ZFPM2: variants seen among roughly 807,000 people sequenced by gnomAD.
ZFPM2 encodes the protein zinc finger protein ZFPM2.
ZFPM2 carries 20 observed loss-of-function variants against 98.6 expected under a neutral mutation model. The ratio of observed to expected loss-of-function variants is 0.20; its 90% CI spans 0.14 to 0.29. The LOEUF is 0.29. ZFPM2 is among the 10% of genes least tolerant of loss of function. ZFPM2 has a pLI of 1.00. For missense variants in ZFPM2, 1,310 were observed against 1,388.6 expected (o/e 0.94, Z 0.90); for synonymous variants, 518 against 502.7 (o/e 1.03, Z -0.41).
chr8:105,450,812 G>A (rs1434388298), intron 3 of ZFPM2, among the ~76,000 whole-genome samples: 2 of 151,998 alleles, frequency 1.3e-5, no homozygotes, highest in South Asian at 2.1e-4. Context: ...ACAAGAGGGG[G>A]TAAAAAATAA....
intron 2 of ZFPM2, among the ~76,000 whole-genome samples, chr8:105,432,863 G>T (rs1390401611): frequency 3.3e-5 from 5 of 152,168 alleles, no homozygotes; most frequent in Non-Finnish European, 4.4e-5. Flanking sequence ...ACTTTGGGAG[G>T]CTGCAGCAGG....
chr8:105,708,263 T>C (rs924725022), intron 5 of ZFPM2, among the ~76,000 whole-genome samples: 16 of 152,194 alleles, frequency 1.1e-4, no homozygotes, highest in Non-Finnish European at 2.1e-4. Context: ...TTATGAAATA[T>C]GAAAAATTAA....
chr8:105,430,407 C>T (rs1811996810), intron 2 of ZFPM2, among the ~76,000 whole-genome samples: 1 of 152,088 alleles, frequency 6.6e-6, no homozygotes, highest in African/African-American at 2.4e-5. Flanking sequence ...CAAACAGATT[C>T]ACAAAAAGAG....
At chr8:105,697,482 T>C (rs1811047743) in intron 5 of ZFPM2, among the ~76,000 whole-genome samples, 2 of 152,184 alleles carry the variant, frequency 1.3e-5, no homozygotes, top group Admixed American at 6.5e-5. Flanking sequence ...ACATATGCTT[T>C]CAATTGCTAT....
chr8:105,360,384 CAG>C (rs779170472), intron 1 of ZFPM2, among the ~76,000 whole-genome samples: 113 of 152,140 alleles, frequency 7.4e-4, no homozygotes, highest in Non-Finnish European at 1.2e-3. Flanking sequence ...ATTGAGGAAA[CAG>C]ATGAAAAATG....
At chr8:105,464,290 C>T (rs1451092324) in intron 3 of ZFPM2, among the ~76,000 whole-genome samples, 1 of 151,944 alleles carries the variant, frequency 6.6e-6, no homozygotes, top group Non-Finnish European at 1.5e-5. Flanking sequence ...ATTTTATATG[C>T]TTTTACAGAA....
In ZFPM2 at chr8:105,559,945, C is replaced by T. The variant is rs538674648; in HGVS notation, c.302-1418C>T. Among the ~76,000 whole-genome samples, 14 of 152,108 alleles carry T rather than the reference C, an allele frequency of 9.2e-5. No homozygotes were observed. The East Asian group carries it at 2.5e-3, about 27-fold the overall frequency. On this transcript the variant is annotated intron_variant, in intron 3 of 7. Coordinates refer to ENST00000407775, the MANE Select transcript of ZFPM2 (RefSeq NM_012082.4). ...TTACTAGGCCAGGCGCGGTGGCTCA[C>T]GCCTGTAATTCCAGCACTTTGGGAA...
At chr8:105,773,844 G>A (rs1160770488) in intron 5 of ZFPM2, among the ~76,000 whole-genome samples, 17 of 151,880 alleles carry the variant, frequency 1.1e-4, no homozygotes, top group Non-Finnish European at 2.9e-5. Context: ...GTTACTTTTT[G>A]TAAAAGACAT....
chr8:105,788,802 T>C lies in ZFPM2; in HGVS notation c.617T>C (p.Leu206Pro), dbSNP rs368572530. ...IAFVVDFDSR[L>P]QAASQMTLTE... is the part of the protein sequence containing the mutation. ...TTTGTGGTGGATTTTGACTCAAGGC[T>C]ACAAGCTGCCAGTCAGATGACTCTC... The change falls in exon 6 of 8, where the codon CTA (leucine) becomes CCA (proline). Residue 206 changes from leucine to proline, a missense_variant. Leu to Pro is a moderately conservative substitution (Grantham distance 98). Coordinates refer to ENST00000407775, the MANE Select transcript of ZFPM2 (RefSeq NM_012082.4). 131 of 1,613,910 alleles carry C rather than the reference T, an allele frequency of 8.1e-5. No individual in the cohort carries two copies. The highest frequency in any genetic ancestry group is 1.0e-4 in the Non-Finnish European group (121 of 1,179,884).
intron 5 of ZFPM2, among the ~76,000 whole-genome samples, chr8:105,744,713 G>A (rs1383241050): frequency 5.9e-5 from 6 of 102,564 alleles, no homozygotes; most frequent in Admixed American, 1.1e-4. Context: ...TTAGATAAGC[G>A]TAGGGTGAAG....
chr8:105,768,930 G>C (rs958605849), intron 5 of ZFPM2, among the ~76,000 whole-genome samples: 8 of 151,622 alleles, frequency 5.3e-5, no homozygotes, highest in African/African-American at 1.9e-4. Flanking sequence ...AACAGATCCA[G>C]AAACCCCCCC....
chr8:105,618,433 A>T (rs1454232004), intron 4 of ZFPM2, among the ~76,000 whole-genome samples: 8 of 152,228 alleles, frequency 5.3e-5, no homozygotes, highest in East Asian at 1.9e-4. Context: ...AAAATTGATT[A>T]AAAAAAGTAA....
intron 6 of ZFPM2, among the ~76,000 whole-genome samples, chr8:105,793,423 T>A (rs1813687247): frequency 6.6e-6 from 1 of 152,248 alleles, no homozygotes; most frequent in Admixed American, 6.5e-5. Context: ...TCCCACTCTC[T>A]TCTGGCTTGT....
chr8:105,383,654 T>C (rs1363871957), intron 1 of ZFPM2, among the ~76,000 whole-genome samples: 1 of 152,156 alleles, frequency 6.6e-6, no homozygotes, highest in Admixed American at 6.5e-5. Flanking sequence ...ATTTACCTAA[T>C]ACATCTTAGT....
intron 5 of ZFPM2, among the ~76,000 whole-genome samples, chr8:105,661,566 T>C (rs1817388931): frequency 6.6e-6 from 1 of 152,204 alleles, no homozygotes; most frequent in Non-Finnish European, 1.5e-5. Context: ...ACCTTTAGAA[T>C]ACTTTTCAGC....
chr8:105,338,058 T>C (rs2129649567), intron 1 of ZFPM2, among the ~76,000 whole-genome samples: 1 of 151,914 alleles, frequency 6.6e-6, no homozygotes, highest in Non-Finnish European at 1.5e-5. Flanking sequence ...TAATCTCAAA[T>C]TAAAATGATT....
chr8:105,726,346 T>C (rs1335604387), intron 5 of ZFPM2, among the ~76,000 whole-genome samples: 4 of 151,776 alleles, frequency 2.6e-5, no homozygotes, highest in Non-Finnish European at 4.4e-5. Flanking sequence ...TCCTTCTCCC[T>C]ATGTGGAGAG....
chr8:105,613,058 A>T (rs928607186), intron 4 of ZFPM2, among the ~76,000 whole-genome samples: 4 of 152,182 alleles, frequency 2.6e-5, no homozygotes, highest in Non-Finnish European at 5.9e-5. Context: ...TGTCTTGTTG[A>T]TTGGTTTATT....
chr8:105,674,442 A>G (rs1817651405), intron 5 of ZFPM2, among the ~76,000 whole-genome samples: 1 of 152,204 alleles, frequency 6.6e-6, no homozygotes. Flanking sequence ...AGCCTCCTTT[A>G]TGGTAGGAAA....
Sources: allele counts gnomAD v4.1 joint callset (sites outside exome capture counted in the v4.1 genomes callset), GRCh38; gene constraint gnomAD v4.1.1; transcripts MANE v1.5; gene names NCBI Gene and HGNC (gene_info 2026-07-23, HGNC 2026-07-21).